The following ABCC1 variants were observed in gnomAD, a reference collection of about 807,000 sequenced individuals.
ABCC1 encodes the protein ATP binding cassette subfamily C member 1 (ABCC1 blood group), also known as multidrug resistance-associated protein 1.
Under a neutral mutation model 172.9 loss-of-function variants are expected in ABCC1, and 83 were observed. The ratio of observed to expected loss-of-function variants is 0.48; its 90% CI spans 0.40 to 0.58. The LOEUF (loss-of-function observed/expected upper bound fraction) is 0.58, where lower values mean the gene tolerates loss of function less well. Among genes scored for constraint, ABCC1 ranks in the 20% least tolerant of loss-of-function variants. ABCC1 has a pLI of 0.00. For synonymous variants in ABCC1, 937 were observed against 825.2 expected (o/e 1.14, Z -2.32); for missense variants, 1,817 against 2,002.7 (o/e 0.91, Z 1.77).
At chr16:16,133,261 T>C (rs2045773492) in intron 27 of ABCC1, among the ~76,000 whole-genome samples, 1 of 152,224 alleles carries the variant, frequency 6.6e-6, no homozygotes, top group South Asian at 2.1e-4. Flanking sequence ...CATATGGACT[T>C]ATTGAACTGT....
At chr16:16,123,101 A>G (rs565571119) in intron 24 of ABCC1, among the ~76,000 whole-genome samples, 179 of 152,180 alleles carry the variant, frequency 1.2e-3, no homozygotes, top group African/African-American at 4.1e-3. Context: ...CTCTAATCCC[A>G]TAGCGTAAGT....
At chr16:16,067,568 G>A (rs9932506) in intron 12 of ABCC1, among the ~76,000 whole-genome samples, 63,419 of 152,016 alleles carry the variant, frequency 0.42, 13,961 homozygotes, top group Non-Finnish European at 0.51. Context: ...TGAGAAAATA[G>A]GGGCTTGCCT....
Position 16,044,264 on chromosome 16 carries a change from G to GGTGGCTCTGGAGCCC in ABCC1, c.810-167_810-153dup, listed in dbSNP as rs45583234. On this transcript the variant is annotated intron_variant, in intron 7 of 30. Coordinates refer to ENST00000399410, the MANE Select transcript of ABCC1 (RefSeq NM_004996.4). ...CAGTGGCCAAGCCAGACCTTGAGCC[G>GGTGGCTCTGGAGCCC]GTGGCTCTGGAGCCCGTGGCTCTGG... Among the ~76,000 whole-genome samples, 96 of 152,284 alleles carry GGTGGCTCTGGAGCCC rather than the reference G, an allele frequency of 6.3e-4. 4 individuals are homozygous for GGTGGCTCTGGAGCCC. Among genetic ancestry groups the GGTGGCTCTGGAGCCC allele is most frequent in the Admixed American group, 2.0e-4 (3 of 15,290 alleles).
In ABCC1 at chr16:16,099,050, A is replaced by G. The variant is rs935929576; in HGVS notation, c.2645-3577A>G. 8 of 664,100 alleles carry G rather than the reference A, an allele frequency of 1.2e-5. No individual in the cohort carries two copies. The East Asian group carries it at 4.4e-4, about 37-fold the overall frequency. 41.1% of individuals were successfully genotyped at this position (664,100 alleles called of 1,614,324 possible). On this transcript the variant is annotated intron_variant, in intron 19 of 30. Transcript: ENST00000399410. Reference sequence around the variant, plus strand: ...TCATTGGTTCATTTAGCACACATTTACTGGGTACCTACTGTGTGTCTGGCT... The same window carrying G: ...TCATTGGTTCATTTAGCACACATTTGCTGGGTACCTACTGTGTGTCTGGCT...
intron 12 of ABCC1, among the ~76,000 whole-genome samples, chr16:16,060,502 G>A (rs999442439): frequency 1.1e-4 from 16 of 151,950 alleles, no homozygotes; most frequent in African/African-American, 2.9e-4. Flanking sequence ...TGACTTTACC[G>A]GGGTGCGTTG....
At chr16:15,995,286 G>C (rs2047018493) in intron 1 of ABCC1, among the ~76,000 whole-genome samples, 1 of 152,168 alleles carries the variant, frequency 6.6e-6, no homozygotes, top group Admixed American at 6.5e-5. Flanking sequence ...AACACTTAGA[G>C]TGGTGCTTGG....
chr16:16,074,325 A>G (rs2050470993), intron 14 of ABCC1, among the ~76,000 whole-genome samples: 1 of 152,012 alleles, frequency 6.6e-6, no homozygotes, highest in African/African-American at 2.4e-5. Flanking sequence ...CTTCCTCCCA[A>G]CACTCCTGGG....
intron 10 of ABCC1, among the ~76,000 whole-genome samples, chr16:16,051,178 G>GT (rs1218132413): frequency 6.7e-6 from 1 of 149,996 alleles, no homozygotes; most frequent in Non-Finnish European, 1.5e-5. Flanking sequence ...TGTTTTTTTT[G>GT]TTTTTTTAAG....
intron 19 of ABCC1, among the ~76,000 whole-genome samples, 169 bp from the exon 20 acceptor site, chr16:16,102,458 A>G (rs978691842): frequency 1.1e-4 from 17 of 152,064 alleles, no homozygotes; most frequent in Non-Finnish European, 2.2e-4. Flanking sequence ...CTGCCCCACA[A>G]CCAGACAGCC....
Position 16,142,173 on chromosome 16 carries a change from A to G in ABCC1, c.*892A>G, listed in dbSNP as rs1300908275. On this transcript the variant is annotated 3_prime_UTR_variant, in exon 31 of 31. Coordinates refer to ENST00000399410, the MANE Select transcript of ABCC1 (RefSeq NM_004996.4). ...TCCCACCATGATTGATGTGGGGTAA[A>G]TATTAAGGAGATGGCCTCATGGGAA... is the stretch of plus-strand genomic sequence containing the variant. The G allele has an allele frequency of 6.6e-6, 1 of 152,054 alleles. No homozygotes were observed. The highest frequency in any genetic ancestry group is 1.9e-4 in the East Asian group (1 of 5,134). 9.4% of individuals were successfully genotyped at this position (152,054 alleles called of 1,614,324 possible). A position where few individuals can be genotyped will look rare whatever the true frequency, so the allele number is the denominator to read the frequency against.
intron 1 of ABCC1, among the ~76,000 whole-genome samples, chr16:15,984,021 T>C (rs1252541437): frequency 2.6e-5 from 4 of 152,150 alleles, no homozygotes; most frequent in Non-Finnish European, 4.4e-5. Flanking sequence ...CAAAGCCGGA[T>C]TGGTGTGTGG....
intron 21 of ABCC1, among the ~76,000 whole-genome samples, chr16:16,109,079 G>T (rs2052274114): frequency 6.6e-6 from 1 of 152,284 alleles, no homozygotes; most frequent in Admixed American, 6.5e-5. Context: ...TTTCCAGAAT[G>T]GGGACTTGAA....
At chr16:15,996,851 G>T (rs1354357450) in intron 1 of ABCC1, among the ~76,000 whole-genome samples, 1 of 152,138 alleles carries the variant, frequency 6.6e-6, no homozygotes, top group Admixed American at 6.5e-5. Context: ...TGTATGGGAA[G>T]ACTTAGATCA....
At chr16:16,102,881 C>A (rs1005541879) in intron 20 of ABCC1, among the ~76,000 whole-genome samples, 164 bp downstream of exon 20, 1 of 152,144 alleles carries the variant, frequency 6.6e-6, no homozygotes, top group Non-Finnish European at 1.5e-5. Flanking sequence ...AGTACAGAGG[C>A]CCAAAGAAGG....
chr16:15,990,627 C>T (rs1417753018), intron 1 of ABCC1, among the ~76,000 whole-genome samples: 1 of 151,966 alleles, frequency 6.6e-6, no homozygotes, highest in Non-Finnish European at 1.5e-5. Flanking sequence ...CCAGGCGCAT[C>T]CATGTTGTTG....
chr16:16,134,575 G>A, intron 28 of ABCC1, 67 bp downstream of exon 28: 1 of 1,564,318 alleles, frequency 6.4e-7, no homozygotes, highest in South Asian at 1.1e-5. Flanking sequence ...ACTGACAGTG[G>A]TGTATGTATA....
At chr16:16,129,539 G>GTT (rs551659773) in intron 26 of ABCC1, among the ~76,000 whole-genome samples, 27 of 137,388 alleles carry the variant, frequency 2.0e-4, no homozygotes, top group South Asian at 4.8e-4. Flanking sequence ...GTTTTTTTTT[G>GTT]TTTTTTTTTT....
At chr16:16,118,396 C>A (rs1318819034) in intron 23 of ABCC1, among the ~76,000 whole-genome samples, 1 of 141,442 alleles carries the variant, frequency 7.1e-6, no homozygotes, top group Non-Finnish European at 1.5e-5. Flanking sequence ...CCTGGAGTCT[C>A]GTTATATCCT....
At chr16:16,116,913 A>G (rs1254828574) in intron 23 of ABCC1, among the ~76,000 whole-genome samples, 4 of 152,100 alleles carry the variant, frequency 2.6e-5, no homozygotes, top group African/African-American at 7.2e-5. Context: ...CTGCAGTACA[A>G]TGGCCGTCAG....
Sources: gnomAD v4.1 joint callset for allele counts (sites outside exome capture counted in the v4.1 genomes callset) on GRCh38, gnomAD v4.1.1 for gene constraint, MANE v1.5 for transcripts, NCBI Gene and HGNC (gene_info 2026-07-23, HGNC 2026-07-21) for gene names.